BRINP3: variants seen among roughly 807,000 people sequenced by gnomAD.
The protein encoded by BRINP3 is BMP/retinoic acid-inducible neural-specific protein 3.
A neutral mutation model predicts 71.0 loss-of-function variants in BRINP3; 19 were observed. That is an observed-to-expected ratio of 0.27 (90% CI 0.19 to 0.39). The LOEUF is 0.39. Ranked by LOEUF, BRINP3 falls within the 10% of genes least tolerant of loss-of-function variation. The pLI, the probability that BRINP3 is intolerant of heterozygous loss-of-function variation, is 1.00. For missense variants in BRINP3, 959 were observed against 940.8 expected (o/e 1.02, Z -0.25); for synonymous variants, 380 against 337.7 (o/e 1.13, Z -1.37).
chr1:190,149,185 C>T (rs1656170107), intron 7 of BRINP3, among the ~76,000 whole-genome samples: 1 of 152,212 alleles, frequency 6.6e-6, no homozygotes, highest in Admixed American at 6.5e-5. Flanking sequence ...ACTAGTTAAA[C>T]ATGACAGTTG....
intron 2 of BRINP3, among the ~76,000 whole-genome samples, chr1:190,341,427 G>A (rs1164986763): frequency 6.6e-6 from 1 of 151,710 alleles, no homozygotes; most frequent in Non-Finnish European, 1.5e-5. Flanking sequence ...GCTTTAAAAT[G>A]TACTTTTCTT....
At chr1:190,356,082 C>G (rs561243435) in intron 2 of BRINP3, among the ~76,000 whole-genome samples, 3 of 152,012 alleles carry the variant, frequency 2.0e-5, no homozygotes, top group South Asian at 4.1e-4. Flanking sequence ...TAAGAATGGT[C>G]TCCATTTAAA....
intron 6 of BRINP3, among the ~76,000 whole-genome samples, chr1:190,225,552 A>AAATTTACT (rs1388601515): frequency 1.3e-5 from 2 of 152,042 alleles, no homozygotes; most frequent in African/African-American, 4.8e-5. Flanking sequence ...TGTGCTTAAA[A>AAATTTACT]ATCGCAAAGA....
At chr1:190,336,914 C>T (rs1337285186) in intron 2 of BRINP3, among the ~76,000 whole-genome samples, 1 of 148,478 alleles carries the variant, frequency 6.7e-6, no homozygotes, top group Non-Finnish European at 1.5e-5. Context: ...TCTGACTTTA[C>T]CTAGAAAGAT....
At chr1:190,110,324 T>C (rs1440131362) in intron 7 of BRINP3, among the ~76,000 whole-genome samples, 3 of 152,100 alleles carry the variant, frequency 2.0e-5, no homozygotes, top group African/African-American at 4.8e-5. Flanking sequence ...GAAAGGCACA[T>C]AAAATATTGT....
In BRINP3 at chr1:190,160,837, A is replaced by G. The variant is rs746379368; in HGVS notation, c.1015T>C (p.Ser339Pro). Residue 339 changes from serine to proline, a missense_variant, in exon 7 of 8, where the codon TCT becomes CCT. Coordinates refer to ENST00000367462, the MANE Select transcript of BRINP3 (RefSeq NM_199051.3). ...RLPMNYFLNT[S>P]TIMHLWTMDS... ...ATTGTCCACAAATGCATTATAGTAG[A>G]TGTGTTGAGGAAATAATTCATAGGT... The G allele has an allele frequency of 6.2e-7, 1 of 1,613,432 alleles. No individual in the cohort carries two copies. The highest frequency in any genetic ancestry group is 1.1e-5 in the South Asian group (1 of 91,038).
At chr1:190,349,743 GA>G (rs1001297291) in intron 2 of BRINP3, among the ~76,000 whole-genome samples, 10 of 152,034 alleles carry the variant, frequency 6.6e-5, no homozygotes, top group African/African-American at 2.4e-4. Context: ...TCTAAAATAT[GA>G]AAAGTAAGGA....
intron 6 of BRINP3, among the ~76,000 whole-genome samples, chr1:190,180,273 T>C (rs1275287569): frequency 1.3e-5 from 2 of 152,120 alleles, no homozygotes; most frequent in African/African-American, 2.4e-5. Flanking sequence ...ACATTTTACA[T>C]TACAGTTTCA....
chr1:190,351,286 T>C (rs916018684), intron 2 of BRINP3, among the ~76,000 whole-genome samples: 4 of 152,172 alleles, frequency 2.6e-5, no homozygotes, highest in Non-Finnish European at 5.9e-5. Flanking sequence ...TGCAATTGGA[T>C]ACAGCAGGAA....
chr1:190,475,013 C>T (rs186507528), intron 1 of BRINP3, among the ~76,000 whole-genome samples: 10 of 152,112 alleles, frequency 6.6e-5, no homozygotes, highest in Admixed American at 5.9e-4. Flanking sequence ...CAAACCCTCA[C>T]TCTTTGCTTT....
intron 5 of BRINP3, among the ~76,000 whole-genome samples, chr1:190,233,349 C>A (rs748786927): frequency 6.6e-6 from 1 of 151,750 alleles, no homozygotes; most frequent in African/African-American, 2.4e-5. Context: ...GCAACACCAG[C>A]GCCCAGATAA....
At chr1:190,363,095 G>A (rs1669254448) in intron 2 of BRINP3, among the ~76,000 whole-genome samples, 1 of 152,108 alleles carries the variant, frequency 6.6e-6, no homozygotes, top group Non-Finnish European at 1.5e-5. Flanking sequence ...TCTGGGCCCT[G>A]CCTAAAGGAA....
chr1:190,122,850 A>G (rs75288846), intron 7 of BRINP3, among the ~76,000 whole-genome samples: 1 of 152,156 alleles, frequency 6.6e-6, no homozygotes, highest in South Asian at 2.1e-4. Context: ...CTAATACAGA[A>G]ATAGGTATAG....
At chr1:190,199,777 A>AC (rs1397492243) in intron 6 of BRINP3, among the ~76,000 whole-genome samples, 1 of 150,826 alleles carries the variant, frequency 6.6e-6, no homozygotes, top group African/African-American at 2.4e-5. Context: ...ATAGGAAAAA[A>AC]AAAAAAACAA....
At chr1:190,144,533 AT>A (rs1242324682) in intron 7 of BRINP3, among the ~76,000 whole-genome samples, 1 of 152,162 alleles carries the variant, frequency 6.6e-6, no homozygotes, top group Non-Finnish European at 1.5e-5. Context: ...TAATAATTAA[AT>A]TAGAAAACTA....
chr1:190,207,767 A>G (rs2102638391), intron 6 of BRINP3, among the ~76,000 whole-genome samples: 1 of 152,298 alleles, frequency 6.6e-6, no homozygotes, highest in African/African-American at 2.4e-5. Flanking sequence ...AATGATAATG[A>G]ACAAATTGAT....
intron 6 of BRINP3, among the ~76,000 whole-genome samples, chr1:190,169,843 T>C (rs1325831033): frequency 1.3e-5 from 2 of 152,196 alleles, no homozygotes; most frequent in African/African-American, 2.4e-5. Context: ...ATTTAGTGTT[T>C]CCATATGTGC....
At chr1:190,343,151 C>A (rs1055362210) in intron 2 of BRINP3, among the ~76,000 whole-genome samples, 15 of 151,716 alleles carry the variant, frequency 9.9e-5, no homozygotes, top group African/African-American at 3.6e-4. Flanking sequence ...GAAACTGCTG[C>A]ATGTATAATG....
intron 2 of BRINP3, among the ~76,000 whole-genome samples, chr1:190,412,714 G>A (rs1367810138): frequency 2.6e-5 from 4 of 151,360 alleles, no homozygotes; most frequent in Non-Finnish European, 4.4e-5. Flanking sequence ...CGCCCGCCTC[G>A]GCCTCCCAAA....
Sources: gnomAD v4.1 joint callset for allele counts (sites outside exome capture counted in the v4.1 genomes callset) on GRCh38, gnomAD v4.1.1 for gene constraint, MANE v1.5 for transcripts, NCBI Gene and HGNC (gene_info 2026-07-23, HGNC 2026-07-21) for gene names.